The following IFIH1 variants were observed in gnomAD, a reference collection of about 807,000 sequenced individuals.
IFIH1 encodes interferon induced with helicase C domain 1.
In IFIH1, 125 loss-of-function variants were observed where a neutral mutation model predicts 107.4. The observed-to-expected ratio is 1.16, with a 90% confidence interval of 1.01 to 1.35. The LOEUF (loss-of-function observed/expected upper bound fraction) is 1.35. IFIH1 is among the 40% of genes most tolerant of loss of function. The pLI is 0.00. For synonymous variants in IFIH1, 458 were observed against 413.2 expected, an observed-to-expected ratio of 1.11 and a Z score of -1.31; for missense variants, 1,333 against 1,213.7, an observed-to-expected ratio of 1.10 and a Z score of -1.46.
intron 13 of IFIH1, among the ~76,000 whole-genome samples, chr2:162,269,319 G>A (rs1040436466): frequency 2.0e-5 from 3 of 152,064 alleles, no homozygotes; most frequent in Non-Finnish European, 4.4e-5. Flanking sequence ...TGAGGATGTG[G>A]CAGCTGAAAT....
chr2:162,317,365 A>G (rs555888157), intron 1 of IFIH1, among the ~76,000 whole-genome samples: 1 of 152,176 alleles, frequency 6.6e-6, no homozygotes, highest in Non-Finnish European at 1.5e-5. Context: ...TAGTTTACTA[A>G]CCCCTGCTCC....
intron 5 of IFIH1, among the ~76,000 whole-genome samples, chr2:162,284,185 T>C (rs1682857430): frequency 6.6e-6 from 1 of 151,946 alleles, no homozygotes; most frequent in Non-Finnish European, 1.5e-5. Context: ...TCTCTCTCTC[T>C]TCCACAAAGC....
intron 2 of IFIH1, chr2:162,310,503 C>T: frequency 2.0e-6 from 1 of 498,082 alleles, no homozygotes; most frequent in South Asian, 3.6e-5. Flanking sequence ...GATAAAATTT[C>T]TGGTAGTCAT....
Position 162,281,432 on chromosome 2 carries a change from C to T in IFIH1, c.1420G>A (p.Glu474Lys). 6.2e-7 allele frequency: 1 copy of T among 1,612,624 alleles called. No homozygotes were observed. The highest frequency in any genetic ancestry group is 8.5e-7 in the Non-Finnish European group (1 of 1,179,088). ...GGAAGGGGAATCACTGGTTTGTTTT[C>T]TTTCTTGAGTCTATTGTTTTTCAAC... ...QKLKNNRLKK[E>K]NKPVIPLPQI... Residue 474 changes from glutamate to lysine, a missense_variant, in exon 7 of 16, where the codon GAA becomes AAA. Coordinates refer to ENST00000649979, the MANE Select transcript of IFIH1 (RefSeq NM_022168.4).
At chr2:162,300,315 T>TA (rs1158476108) in intron 3 of IFIH1, among the ~76,000 whole-genome samples, 1 of 152,190 alleles carries the variant, frequency 6.6e-6, no homozygotes, top group Non-Finnish European at 1.5e-5. Flanking sequence ...CTGCTTTTGT[T>TA]AAAACTCTGC....
intron 5 of IFIH1, among the ~76,000 whole-genome samples, chr2:162,284,341 C>T (rs1162056026): frequency 1.3e-5 from 2 of 151,948 alleles, no homozygotes; most frequent in African/African-American, 4.8e-5. Flanking sequence ...GCTACTCCAG[C>T]CACTTACTTC....
At chr2:162,298,309 C>T (rs1205637368) in intron 3 of IFIH1, among the ~76,000 whole-genome samples, 1 of 152,166 alleles carries the variant, frequency 6.6e-6, no homozygotes, top group Non-Finnish European at 1.5e-5. Context: ...TTTCCCCTGG[C>T]TTCAGTCTGC....
Position 162,318,359 on chromosome 2 carries a change from T to C in IFIH1, c.-52A>G, listed in dbSNP as rs757003434. The stretch of plus-strand genomic sequence containing the variant: ...TTCTCCCAAGCAGATGGTGCTGTTG[T>C]CTGCGGGACAGGTGAAATGTGCGTG... On this transcript the variant is annotated 5_prime_UTR_variant, in exon 1 of 16. Coordinates refer to ENST00000649979, the MANE Select transcript of IFIH1 (RefSeq NM_022168.4). The C allele has an allele frequency of 3.5e-5, 51 of 1,466,556 alleles. No individual in the cohort carries two copies. The highest frequency in any genetic ancestry group is 4.7e-5 in the Non-Finnish European group (50 of 1,060,062). The allele number at this position is 1,466,556 out of a possible 1,614,324, so 90.8% of individuals were successfully genotyped here.
Position 162,306,735 on chromosome 2 carries a change from G to C in IFIH1, c.743C>G (p.Ser248Cys), listed in dbSNP as rs556015191. 2.2e-5 allele frequency: 35 copies of C among 1,613,846 alleles called. 1 individual carries two copies. The South Asian group carries it at 3.5e-4, about 16-fold the overall frequency. ...TGAAACTACAGAAGAATCTGCAAAAGATGATTCTGATGAGTTATTCTCCAT... is the reference window on the plus strand; with the variant it reads ...TGAAACTACAGAAGAATCTGCAAAACATGATTCTGATGAGTTATTCTCCAT... ...WGMENNSSES[S>C]FADSSVVSES... is the part of the protein sequence containing the mutation. Residue 248 changes from serine (S) to cysteine (C), a missense_variant, in exon 3 of 16, where the codon TCT becomes TGT. Ser to Cys is a moderately radical substitution (Grantham distance 112). Transcript: ENST00000649979.
intron 5 of IFIH1, among the ~76,000 whole-genome samples, chr2:162,284,885 GACATTGC>G (rs1417372500): frequency 6.6e-6 from 1 of 151,936 alleles, no homozygotes; most frequent in Admixed American, 6.6e-5. Context: ...ATTATGGAGT[GACATTGC>G]ACCACAAAAT....
chr2:162,277,528 T>C lies in IFIH1; in HGVS notation c.1931A>G (p.Asp644Gly). ...KDKKFAVIED[D>G]SDEGGDDEYC... ...CTCATCATCACCACCCTCATCACTATCATCTTCTATGACTGCAAACTTCTT... is the reference window on the plus strand; with the variant it reads ...CTCATCATCACCACCCTCATCACTACCATCTTCTATGACTGCAAACTTCTT... The change falls in exon 10 of 16, where the codon GAT (aspartate) becomes GGT (glycine). Residue 644 changes from aspartate to glycine, a missense_variant. Transcript: ENST00000649979. The C allele has an allele frequency of 6.3e-7, 1 of 1,589,588 alleles. No homozygotes were observed. The highest frequency in any genetic ancestry group is 1.1e-5 in the South Asian group (1 of 90,596).
chr2:162,304,981 G>A (rs563207434), intron 3 of IFIH1, among the ~76,000 whole-genome samples: 2 of 152,274 alleles, frequency 1.3e-5, no homozygotes, highest in Middle Eastern at 3.4e-3. Context: ...TGTGACATAA[G>A]TACAAAGAGA....
chr2:162,280,666 C>A (rs1682790921), intron 7 of IFIH1, among the ~76,000 whole-genome samples: 1 of 151,976 alleles, frequency 6.6e-6, no homozygotes, highest in South Asian at 2.1e-4. Context: ...TATTTTGGAG[C>A]CTATAATTGC....
rs1048140186 is a variant in IFIH1 at position 162,318,368 on chromosome 2, C to G, written c.-61G>C. Reference sequence around the variant, plus strand: ...GCAGATGGTGCTGTTGTCTGCGGGACAGGTGAAATGTGCGTGCCGCTGTCC... The same window carrying G: ...GCAGATGGTGCTGTTGTCTGCGGGAGAGGTGAAATGTGCGTGCCGCTGTCC... On this transcript the variant is annotated 5_prime_UTR_variant, in exon 1 of 16. Coordinates refer to ENST00000649979, the MANE Select transcript of IFIH1 (RefSeq NM_022168.4). 1 of 1,399,870 alleles carries G rather than the reference C, an allele frequency of 7.1e-7. No individual in the cohort carries two copies. The highest frequency in any genetic ancestry group is 1.2e-5 in the South Asian group (1 of 80,112). The allele number at this position is 1,399,870 out of a possible 1,614,324, so 86.7% of individuals were successfully genotyped here.
chr2:162,276,889 A>T lies in IFIH1; in HGVS notation c.2102T>A (p.Leu701Gln), dbSNP rs771889015. The part of the protein sequence containing the change: ...AENPEYENEK[L>Q]TKLRNTIMEQ... Reference sequence around the variant, plus strand: ...CATTATGGTATTTCTTAATTTGGTCAGCTTTTCATTTTCATATTCTGGGTT... The same window carrying T: ...CATTATGGTATTTCTTAATTTGGTCTGCTTTTCATTTTCATATTCTGGGTT... Residue 701 changes from leucine (L) to glutamine (Q), a missense_variant, in exon 11 of 16, where the codon CTG becomes CAG. Coordinates refer to ENST00000649979, the MANE Select transcript of IFIH1 (RefSeq NM_022168.4). 3 of 1,612,444 alleles carry T rather than the reference A, an allele frequency of 1.9e-6. No individual in the cohort carries two copies. The highest frequency in any genetic ancestry group is 2.5e-6 in the Non-Finnish European group (3 of 1,179,504).
intron 8 of IFIH1, 149 bp from the exon 9 acceptor site, chr2:162,278,477 C>A: frequency 1.9e-6 from 1 of 515,268 alleles, no homozygotes; most frequent in South Asian, 3.3e-5. Context: ...CTTGTCTGTA[C>A]ATTTATTTTT....
intron 6 of IFIH1, among the ~76,000 whole-genome samples, 160 bp from the exon 7 acceptor site, chr2:162,281,705 A>G (rs1367434414): frequency 6.6e-6 from 1 of 151,990 alleles, no homozygotes; most frequent in Non-Finnish European, 1.5e-5. Flanking sequence ...TAACTATACT[A>G]GCACCTGTAC....
intron 13 of IFIH1, among the ~76,000 whole-genome samples, chr2:162,271,331 A>G (rs1240280357): frequency 2.0e-5 from 3 of 151,988 alleles, no homozygotes; most frequent in African/African-American, 7.3e-5. Flanking sequence ...ACTGAAAACC[A>G]TCATTCTGAG....
At chr2:162,314,422 T>TTC (rs1371018147) in intron 1 of IFIH1, among the ~76,000 whole-genome samples, 1 of 87,900 alleles carries the variant, frequency 1.1e-5, no homozygotes, top group African/African-American at 6.5e-5. Flanking sequence ...TTTCTTTTCT[T>TTC]TCTTTCTTTC....
Sources: gnomAD v4.1 joint callset for allele counts (sites outside exome capture counted in the v4.1 genomes callset) on GRCh38, gnomAD v4.1.1 for gene constraint, MANE v1.5 for transcripts, NCBI Gene and HGNC (gene_info 2026-07-23, HGNC 2026-07-21) for gene names.